The following BICC1 variants were observed in gnomAD, a reference collection of about 807,000 sequenced individuals.
The protein encoded by BICC1 is BicC family RNA binding protein 1, also known as protein bicaudal C homolog 1.
A neutral mutation model predicts 111.0 loss-of-function variants in BICC1; 43 were observed. The ratio of observed to expected loss-of-function variants is 0.39; its 90% CI spans 0.30 to 0.50. The LOEUF (loss-of-function observed/expected upper bound fraction) is 0.50. Among genes scored for constraint, BICC1 ranks in the 20% least tolerant of loss-of-function variants. The probability of loss-of-function intolerance (pLI) is 0.88; values close to 1 mark genes in which losing one functional copy is unlikely to be tolerated. For synonymous variants in BICC1, 467 were observed against 434.4 expected, an observed-to-expected ratio of 1.07 and a Z score of -0.93; for missense variants, 1,091 against 1,203.2, an observed-to-expected ratio of 0.91 and a Z score of 1.38.
chr10:58,539,968 C>T (rs1030259801), intron 1 of BICC1, among the ~76,000 whole-genome samples: 1 of 151,530 alleles, frequency 6.6e-6, no homozygotes, highest in African/African-American at 2.4e-5. Flanking sequence ...ATCAGTAGCA[C>T]AAGAAAAACT....
chr10:58,788,222 G>C, intron 5 of BICC1, 148 bp from the exon 6 acceptor site: 1 of 582,902 alleles, frequency 1.7e-6, no homozygotes, highest in South Asian at 2.5e-5. Flanking sequence ...ATGGGGGCCT[G>C]AGATCCTTTA....
At chr10:58,520,770 A>C (rs759294743) in intron 1 of BICC1, among the ~76,000 whole-genome samples, 3 of 152,196 alleles carry the variant, frequency 2.0e-5, no homozygotes, top group Non-Finnish European at 4.4e-5. Context: ...AAGTATAAAC[A>C]TAAGTAAAAA....
chr10:58,553,334 A>G (rs1025124469), intron 1 of BICC1, among the ~76,000 whole-genome samples: 2 of 152,330 alleles, frequency 1.3e-5, no homozygotes, highest in African/African-American at 4.8e-5. Context: ...CAAAGGAGTT[A>G]GAGTCAGAGG....
chr10:58,539,046 GAGTATCT>G (rs1842894797), intron 1 of BICC1, among the ~76,000 whole-genome samples: 1 of 151,592 alleles, frequency 6.6e-6, no homozygotes, highest in African/African-American at 2.4e-5. Flanking sequence ...TTCCACTACT[GAGTATCT>G]ACCCAATGGA....
At chr10:58,566,157 TGTGTGTATATATACATATACACAC>T (rs1197766678) in intron 1 of BICC1, among the ~76,000 whole-genome samples, 19 of 151,324 alleles carry the variant, frequency 1.3e-4, no homozygotes, top group African/African-American at 4.1e-4. Flanking sequence ...GATGTGTGTG[TGTGTGTATATATACATATACACAC>T]GTGTGTATAT....
Position 58,789,472 on chromosome 10 carries a change from A to G in BICC1, c.795+16A>G. Reference sequence around the variant, plus strand: ...TGCTGTGAAGGTAAATTATTCAGATAATTCTGCACATCCTATATGTACAAG... The same window carrying G: ...TGCTGTGAAGGTAAATTATTCAGATGATTCTGCACATCCTATATGTACAAG... On this transcript the variant is annotated intron_variant, in intron 7 of 20. Transcript: ENST00000373886. 6.3e-7 allele frequency: 1 copy of G among 1,597,320 alleles called. No individual in the cohort carries two copies. Among genetic ancestry groups the G allele is most frequent in the Non-Finnish European group, 8.6e-7 (1 of 1,167,850 alleles).
At chr10:58,576,205 A>G (rs1029508177) in intron 1 of BICC1, among the ~76,000 whole-genome samples, 2 of 152,194 alleles carry the variant, frequency 1.3e-5, no homozygotes, top group Non-Finnish European at 1.5e-5. Context: ...ACTCTGTTAT[A>G]TAGAATCTGA....
At position 58,702,138 on chromosome 10, in the gene BICC1, A is replaced by G. The variant is rs1840256752; in HGVS notation, c.302A>G (p.Lys101Arg). The G allele has an allele frequency of 1.9e-6, 3 of 1,611,978 alleles. No individual in the cohort carries two copies. In the African/African-American group the frequency reaches 4.0e-5, roughly 22 times the overall value. ...PSKLKIGAKSKKDPHIKVSGK... is the reference protein window; with the variant it reads ...PSKLKIGAKSRKDPHIKVSGK... The stretch of plus-strand genomic sequence containing the variant: ...AAACTGAAGATCGGAGCCAAATCCA[A>G]GAAAGGTAAATTGTGAGAGGGCAAG... The change falls in exon 3 of 21, where the codon AAG becomes AGG. Residue 101 changes from lysine to arginine, a missense_variant. Coordinates refer to ENST00000373886, the MANE Select transcript of BICC1 (RefSeq NM_001080512.3).
intron 1 of BICC1, among the ~76,000 whole-genome samples, chr10:58,566,406 A>T (rs1357398173): frequency 6.6e-6 from 1 of 152,094 alleles, no homozygotes; most frequent in Non-Finnish European, 1.5e-5. Context: ...TCATTGATTG[A>T]TGGGCATTTA....
At position 58,817,689 on chromosome 10, in the gene BICC1, G is replaced by A. The variant is rs1406052915; in HGVS notation, c.2661G>A (p.Leu887=). 2 of 1,612,354 alleles carry A rather than the reference G, an allele frequency of 1.2e-6. No homozygotes were observed. Among genetic ancestry groups the A allele is most frequent in the African/African-American group, 2.7e-5 (2 of 74,830 alleles). ...CTGAGCTCTTCAGCAAACTGGGCCT[G>A]GGCAAATACACAGATGTTTTCCAGC... The part of the protein sequence containing the change: ...DLPELFSKLG[L]GKYTDVFQQQ... The change falls in exon 19 of 21, where the codon CTG becomes CTA. Residue 887 remains leucine, a synonymous_variant. Transcript: ENST00000373886.
At position 58,594,242 on chromosome 10, in the gene BICC1, A is replaced by G. The variant is rs148675653; in HGVS notation, c.191-26613A>G. The stretch of plus-strand genomic sequence containing the variant: ...AGGACTGTGTGAAAAGACTAAATCT[A>G]CATTTGATTGGTGTACCTGAAAGTG... On this transcript the variant is annotated intron_variant, in intron 1 of 20. Transcript: ENST00000373886. Among the ~76,000 whole-genome samples the G allele has an allele frequency of 9.5e-3, 1,453 of 152,292 alleles. 20 individuals carry two copies. Among genetic ancestry groups the G allele is most frequent in the African/African-American group, 0.033 (1,391 of 41,554 alleles).
rs116945001 is a variant in BICC1, at chr10:58,530,004, T to C, written c.190+16671T>C. On this transcript the variant is annotated intron_variant, in intron 1 of 20. Transcript: ENST00000373886. ...ATCATTTGGGACTAGTGAGGCCATC[T>C]ACAATGGGAAATTGTTGCATGTATT... is the stretch of plus-strand genomic sequence containing the variant. 3.7e-3 allele frequency among the ~76,000 whole-genome samples: 567 copies of C among 151,934 alleles called. 7 individuals are homozygous for C. Among genetic ancestry groups the C allele is most frequent in the Non-Finnish European group, 5.0e-3 (338 of 67,854 alleles).
rs1280002629 is a variant in BICC1, at chr10:58,514,043, T to C, written c.190+710T>C. 5.3e-5 allele frequency among the ~76,000 whole-genome samples: 8 copies of C among 152,244 alleles called. No homozygotes were observed. In the South Asian group the frequency reaches 1.4e-3, roughly 28 times the overall value. On this transcript the variant is annotated intron_variant, in intron 1 of 20. Coordinates refer to ENST00000373886, the MANE Select transcript of BICC1 (RefSeq NM_001080512.3). ...GTGTCTGACTTTGTCTTTCACAACT[T>C]AGAATTATTTTTAACTCTTTAATTT...
chr10:58,811,695 A>T (rs553931541), intron 17 of BICC1, among the ~76,000 whole-genome samples: 1 of 152,352 alleles, frequency 6.6e-6, no homozygotes, highest in South Asian at 2.1e-4. Flanking sequence ...GGTAGAAGGA[A>T]ACATAAAACA....
intron 2 of BICC1, among the ~76,000 whole-genome samples, chr10:58,638,866 CTCTTCTCTTTTT>C (rs1838032013): frequency 8.6e-3 from 5 of 582 alleles, no homozygotes; most frequent in African/African-American, 0.032. Context: ...TTTCTTTTTT[CTCTTCTCTTTTT>C]TCTCTTCTCT....
rs11006239 is a variant in BICC1 at position 58,729,253 on chromosome 10, A to G, written c.307+27110A>G. On this transcript the variant is annotated intron_variant, in intron 3 of 20. Coordinates refer to ENST00000373886, the MANE Select transcript of BICC1 (RefSeq NM_001080512.3). The stretch of plus-strand genomic sequence containing the variant: ...TTGTTCAGTGTAGTCACCTTCATCA[A>G]TTTTCATAGCTAGATCTTCTGGATA... Among the ~76,000 whole-genome samples, 970 of 152,256 alleles carry G rather than the reference A, an allele frequency of 6.4e-3. 2 individuals carry two copies. Among genetic ancestry groups the G allele is most frequent in the Non-Finnish European group, 0.012 (790 of 68,026 alleles).
chr10:58,687,068 CTGTT>C (rs1472310720), intron 2 of BICC1, among the ~76,000 whole-genome samples: 9 of 151,048 alleles, frequency 6.0e-5, no homozygotes, highest in Non-Finnish European at 1.0e-4. Context: ...GATGTCCTTT[CTGTT>C]TGTTAGTTTT....
intron 3 of BICC1, among the ~76,000 whole-genome samples, chr10:58,713,823 G>T (rs772635308): frequency 1.4e-4 from 22 of 152,136 alleles, no homozygotes; most frequent in African/African-American, 5.3e-4. Flanking sequence ...TTCAGCCTAC[G>T]TTTATTTTTA....
intron 2 of BICC1, among the ~76,000 whole-genome samples, chr10:58,687,758 T>A (rs1839783939): frequency 6.6e-6 from 1 of 152,132 alleles, no homozygotes; most frequent in Non-Finnish European, 1.5e-5. Context: ...ATTTTCCAGG[T>A]ACTATTCTGT....
Sources: allele counts gnomAD v4.1 joint callset (sites outside exome capture counted in the v4.1 genomes callset), GRCh38; gene constraint gnomAD v4.1.1; transcripts MANE v1.5; gene names NCBI Gene and HGNC (gene_info 2026-07-23, HGNC 2026-07-21).